The following HECW1 variants were observed in gnomAD, a reference collection of about 807,000 sequenced individuals.
HECW1 encodes HECT, C2 and WW domain containing E3 ubiquitin protein ligase 1.
Under a neutral mutation model 182.3 loss-of-function variants are expected in HECW1, and 61 were observed. The observed-to-expected ratio is 0.33, with a 90% confidence interval of 0.27 to 0.41. The LOEUF (loss-of-function observed/expected upper bound fraction) is 0.41, where lower values mean the gene tolerates loss of function less well. Among genes scored for constraint, HECW1 ranks in the 10% least tolerant of loss-of-function variants. The probability of loss-of-function intolerance (pLI) is 1.00; values close to 1 mark genes in which losing one functional copy is unlikely to be tolerated. For synonymous variants in HECW1, 859 were observed against 832.6 expected (o/e 1.03, Z -0.55); for missense variants, 1,739 against 2,108.9 (o/e 0.82, Z 3.44).
rs777162533 is a variant in HECW1 at position 43,550,428 on chromosome 7, T to C, written c.4249-17T>C. The C allele has an allele frequency of 6.2e-7, 1 of 1,613,788 alleles. No homozygotes were observed. Among genetic ancestry groups the C allele is most frequent in the Non-Finnish European group, 8.5e-7 (1 of 1,179,944 alleles). ...GCAGAACTGACAAGCATCGCAATATTTCTGTTTTCCTACAAGGTCACGGAA... is the reference window on the plus strand; with the variant it reads ...GCAGAACTGACAAGCATCGCAATATCTCTGTTTTCCTACAAGGTCACGGAA... On this transcript the variant is annotated splice_polypyrimidine_tract_variant and intron_variant, in intron 26 of 29. Transcript: ENST00000395891.
chr7:43,338,447 TG>T (rs1432558318), intron 5 of HECW1, among the ~76,000 whole-genome samples: 1 of 152,258 alleles, frequency 6.6e-6, no homozygotes, highest in Non-Finnish European at 1.5e-5. Context: ...AATTACTTTC[TG>T]CTCTTTATTC....
intron 24 of HECW1, among the ~76,000 whole-genome samples, chr7:43,538,127 G>A (rs934013253): frequency 1.3e-5 from 2 of 152,228 alleles, no homozygotes; most frequent in African/African-American, 4.8e-5. Flanking sequence ...AGAGAATCAT[G>A]CTGAAAATTT....
chr7:43,147,315 C>A (rs1234595195), intron 2 of HECW1: 4 of 152,104 alleles, frequency 2.6e-5, no homozygotes, highest in South Asian at 2.1e-4. Flanking sequence ...GAGCTTTACA[C>A]CATTTCATCC....
intron 6 of HECW1, among the ~76,000 whole-genome samples, chr7:43,391,044 A>G (rs750627415): frequency 1.3e-5 from 2 of 152,282 alleles, no homozygotes; most frequent in African/African-American, 4.8e-5. Flanking sequence ...GAACTCCCCA[A>G]ACCTTTAGAA....
At chr7:43,466,628 TG>T in intron 15 of HECW1, 60 bp downstream of exon 15, 1 of 1,563,878 alleles carries the variant, frequency 6.4e-7, no homozygotes, top group Non-Finnish European at 8.7e-7. Flanking sequence ...AACACAGCTT[TG>T]TAAAGTCATC....
chr7:43,508,707 G>A (rs1416857215), intron 23 of HECW1: 12 of 483,134 alleles, frequency 2.5e-5, no homozygotes, highest in Admixed American at 1.4e-4. Flanking sequence ...GGTGTTAGAT[G>A]ATCAAAAGAA....
At chr7:43,460,552 G>A (rs562207935) in intron 13 of HECW1, among the ~76,000 whole-genome samples, 7 of 151,582 alleles carry the variant, frequency 4.6e-5, no homozygotes, top group South Asian at 2.1e-4. Context: ...GTGTGTGTGC[G>A]TGTGTGCGTG....
In HECW1 at chr7:43,505,226, G is replaced by A. The variant is rs74909984; in HGVS notation, c.3632-1911G>A. Among the ~76,000 whole-genome samples the A allele has an allele frequency of 2.9e-3, 435 of 152,098 alleles. 6 individuals carry two copies. The East Asian group carries it at 0.034, about 12-fold the overall frequency. On this transcript the variant is annotated intron_variant, in intron 21 of 29. Coordinates refer to ENST00000395891, the MANE Select transcript of HECW1 (RefSeq NM_015052.5). ...ATGTGTTCTTTTTCTACTCCTCCCC[G>A]TCTCAGTGAATGTCACCGCAGGGTG...
At chr7:43,200,822 A>G (rs1583939399) in intron 2 of HECW1, among the ~76,000 whole-genome samples, 1 of 152,152 alleles carries the variant, frequency 6.6e-6, no homozygotes, top group African/African-American at 2.4e-5. Flanking sequence ...GTGGCCCAAC[A>G]TGCTCACCTC....
intron 17 of HECW1, among the ~76,000 whole-genome samples, 170 bp downstream of exon 17, chr7:43,479,914 C>T (rs574955014): frequency 4.1e-4 from 62 of 152,298 alleles, no homozygotes; most frequent in African/African-American, 1.4e-3. Flanking sequence ...ACCCACTTAA[C>T]ACCCCAGAGC....
chr7:43,302,936 C>T (rs1221731655), intron 3 of HECW1, among the ~76,000 whole-genome samples: 2 of 152,140 alleles, frequency 1.3e-5, no homozygotes, highest in Non-Finnish European at 1.5e-5. Flanking sequence ...CACCCACACA[C>T]GTGCACACAC....
In HECW1 at chr7:43,126,007, A is replaced by T. The variant is rs1786194135; in HGVS notation, c.-32+11616A>T. On this transcript the variant is annotated intron_variant, in intron 2 of 29. Coordinates refer to ENST00000395891, the MANE Select transcript of HECW1 (RefSeq NM_015052.5). ...AACATGCCATGGGAAATGGTCCAAA[A>T]GCTTTGGGGGACAAAATCCATGTAA... Among the ~76,000 whole-genome samples the T allele has an allele frequency of 6.7e-5, 10 of 150,332 alleles. No individual in the cohort carries two copies. In the South Asian group the frequency reaches 2.1e-3, roughly 32 times the overall value.
At chr7:43,505,419 C>A (rs914828760) in intron 21 of HECW1, among the ~76,000 whole-genome samples, 2 of 152,188 alleles carry the variant, frequency 1.3e-5, no homozygotes, top group African/African-American at 4.8e-5. Context: ...TTGTTCTTTT[C>A]TGCAGGAAGA....
intron 3 of HECW1, 57 bp from the exon 4 acceptor site, chr7:43,311,706 C>A: frequency 6.6e-7 from 1 of 1,511,986 alleles, no homozygotes; most frequent in Non-Finnish European, 9.2e-7. Flanking sequence ...CGTGTGATGA[C>A]GGTGACTGAG....
chr7:43,210,692 A>G (rs1313209625), intron 2 of HECW1, among the ~76,000 whole-genome samples: 1 of 152,122 alleles, frequency 6.6e-6, no homozygotes, highest in Non-Finnish European at 1.5e-5. Flanking sequence ...TGTTCAGCTC[A>G]ATTAGGACAA....
At position 43,463,733 on chromosome 7, in the gene HECW1, G is replaced by A. The variant is rs370723063; in HGVS notation, c.2725G>A (p.Ala909Thr). ...TTCTGGCAGCCAAAGCTGCGAGCAA[G>A]CCCCAGCAGGAGGAGGCGGAGGTGG... ...EDSGSQSCEQ[A>T]PAGGGGGGGS... Residue 909 changes from alanine (A) to threonine (T), a missense_variant, in exon 14 of 30, where the codon GCC (alanine) becomes ACC (threonine). Coordinates refer to ENST00000395891, the MANE Select transcript of HECW1 (RefSeq NM_015052.5). 2 of 1,614,068 alleles carry A rather than the reference G, an allele frequency of 1.2e-6. No homozygotes were observed. The highest frequency in any genetic ancestry group is 1.7e-6 in the Non-Finnish European group (2 of 1,179,990).
At chr7:43,319,317 G>A (rs1809738860) in intron 4 of HECW1, among the ~76,000 whole-genome samples, 4 of 146,634 alleles carry the variant, frequency 2.7e-5, no homozygotes, top group Middle Eastern at 3.4e-3. Flanking sequence ...AACCCGGGAA[G>A]CGGAGCTTGC....
intron 3 of HECW1, among the ~76,000 whole-genome samples, chr7:43,254,247 A>C (rs1014132788): frequency 2.6e-5 from 4 of 152,012 alleles, no homozygotes; most frequent in African/African-American, 2.4e-5. Flanking sequence ...CAAACACAGA[A>C]GATCTTTTTT....
At chr7:43,187,752 C>T (rs1189210427) in intron 2 of HECW1, among the ~76,000 whole-genome samples, 2 of 152,070 alleles carry the variant, frequency 1.3e-5, no homozygotes, top group East Asian at 1.9e-4. Flanking sequence ...TCACCCAATT[C>T]GACCAAATAG....
Sources: allele counts gnomAD v4.1 joint callset (sites outside exome capture counted in the v4.1 genomes callset), GRCh38; gene constraint gnomAD v4.1.1; transcripts MANE v1.5; gene names NCBI Gene and HGNC (gene_info 2026-07-23, HGNC 2026-07-21).